PCDHGB2: variants seen among roughly 807,000 people sequenced by gnomAD.
PCDHGB2 encodes protocadherin gamma subfamily B, 2.
PCDHGB2 carries 55 observed loss-of-function variants against 59.3 expected under a neutral mutation model. That is an observed-to-expected ratio of 0.93 (90% CI 0.75 to 1.16). The LOEUF is 1.16. Ranked by LOEUF, PCDHGB2 falls within the 50% of genes most tolerant of loss-of-function variation. PCDHGB2 has a pLI of 0.00. For synonymous variants in PCDHGB2, 516 were observed against 512.0 expected, an observed-to-expected ratio of 1.01 and a Z score of -0.11; for missense variants, 1,228 against 1,198.5, an observed-to-expected ratio of 1.02 and a Z score of -0.36.
At chr5:141,375,010 T>G in intron 1 of PCDHGB2, 2 of 1,614,050 alleles carry the variant, frequency 1.2e-6, no homozygotes, top group Non-Finnish European at 1.7e-6. Flanking sequence ...ATCTAGACTA[T>G]GAGGACTCGA....
chr5:141,438,513 A>G (rs2097964808), intron 1 of PCDHGB2, among the ~76,000 whole-genome samples: 1 of 148,768 alleles, frequency 6.7e-6, no homozygotes, highest in Non-Finnish European at 1.5e-5. Context: ...TGCAAAACCA[A>G]TTATTTTACA....
At chr5:141,381,445 G>C (rs1777202904) in intron 1 of PCDHGB2, among the ~76,000 whole-genome samples, 1 of 152,248 alleles carries the variant, frequency 6.6e-6, no homozygotes. Context: ...TGTCAGGACA[G>C]TCCTGCATTT....
intron 1 of PCDHGB2, chr5:141,388,866 C>A (rs2091521937): frequency 2.5e-6 from 4 of 1,613,832 alleles, no homozygotes; most frequent in Non-Finnish European, 3.4e-6. Flanking sequence ...AATGATTGCG[C>A]AATGCACAGT....
chr5:141,430,720 T>G, intron 1 of PCDHGB2: 1 of 1,486,390 alleles, frequency 6.7e-7, no homozygotes, highest in East Asian at 2.4e-5. Flanking sequence ...ACTTCAGTGG[T>G]TAAGGGCAGA....
At chr5:141,392,956 T>G in intron 1 of PCDHGB2, 1 of 1,613,820 alleles carries the variant, frequency 6.2e-7, no homozygotes, top group South Asian at 1.1e-5. Context: ...GTGGGTAATA[T>G]CTCCAAGGAC....
rs748951693 is a variant in PCDHGB2, at chr5:141,365,805, C to T, written c.2421+3249C>T. The T allele has an allele frequency of 3.1e-6, 5 of 1,613,942 alleles. No homozygotes were observed. The South Asian group carries it at 5.5e-5, about 18-fold the overall frequency. On this transcript the variant is annotated intron_variant, in intron 1 of 3. Coordinates refer to ENST00000522605, the MANE Select transcript of PCDHGB2 (RefSeq NM_018923.3). ...AACGCTCGAGTCACCTACTCCCTGG[C>T]TGAAGACACATTTCAGGGGGCGCCC...
In PCDHGB2 at chr5:141,490,296, G is replaced by T; in HGVS notation, c.2422-4511G>T. The stretch of plus-strand genomic sequence containing the variant: ...ATGACAATGCCCCAGAGGTGCTATT[G>T]GCCTCTTTGGCCAACCCTGTCCTAG... On this transcript the variant is annotated intron_variant, in intron 1 of 3. Coordinates refer to ENST00000522605, the MANE Select transcript of PCDHGB2 (RefSeq NM_018923.3). This position sits in a 1 kb window ranked among gnomAD's most constrained non-coding sequence, Gnocchi z 5.4. 6.2e-7 allele frequency: 1 copy of T among 1,614,184 alleles called. No homozygotes were observed. Among genetic ancestry groups the T allele is most frequent in the South Asian group, 1.1e-5 (1 of 91,084 alleles).
At position 141,399,943 on chromosome 5, in the gene PCDHGB2, C is replaced by A. The variant is rs1334013330; in HGVS notation, c.2421+37387C>A. On this transcript the variant is annotated intron_variant, in intron 1 of 3. Coordinates refer to ENST00000522605, the MANE Select transcript of PCDHGB2 (RefSeq NM_018923.3). Reference sequence around the variant, plus strand: ...CGCCTGGCTGTCCTACCACGTGCTGCAGGCTAGCGAGCCCGGGCTCTTCAG... The same window carrying A: ...CGCCTGGCTGTCCTACCACGTGCTGAAGGCTAGCGAGCCCGGGCTCTTCAG... The A allele has an allele frequency of 3.7e-6, 6 of 1,612,294 alleles. 1 individual carries two copies. The Admixed American group carries it at 1.0e-4, about 27-fold the overall frequency.
At chr5:141,381,271 T>G (rs1366742753) in intron 1 of PCDHGB2, among the ~76,000 whole-genome samples, 1 of 152,252 alleles carries the variant, frequency 6.6e-6, no homozygotes, top group Non-Finnish European at 1.5e-5. Context: ...CCAAGACTGT[T>G]TCTTGCCAGG....
At position 141,490,176 on chromosome 5, in the gene PCDHGB2, G is replaced by T. The variant is rs758876319; in HGVS notation, c.2422-4631G>T. On this transcript the variant is annotated intron_variant, in intron 1 of 3. Transcript: ENST00000522605. This position sits in a 1 kb window ranked among gnomAD's most constrained non-coding sequence, Gnocchi z 5.4. ...TGTTGGGTCCCATAGACTTTGAGGAGTCACGTTTCTATGAAATTCATGCAA... is the reference window on the plus strand; with the variant it reads ...TGTTGGGTCCCATAGACTTTGAGGATTCACGTTTCTATGAAATTCATGCAA... 12 of 1,614,100 alleles carry T rather than the reference G, an allele frequency of 7.4e-6. No homozygotes were observed. Among genetic ancestry groups the T allele is most frequent in the Non-Finnish European group, 1.0e-5 (12 of 1,180,046 alleles).
intron 1 of PCDHGB2, chr5:141,423,829 A>G: frequency 7.9e-7 from 1 of 1,268,964 alleles, no homozygotes; most frequent in Non-Finnish European, 9.9e-7. Flanking sequence ...GCCTTTCATG[A>G]GATTACGATA....
chr5:141,419,769 C>G (rs773303779), intron 1 of PCDHGB2: 3 of 1,613,888 alleles, frequency 1.9e-6, no homozygotes, highest in Non-Finnish European at 2.5e-6. Context: ...GACAAGGACT[C>G]GGTCCGCCAG....
At chr5:141,392,160 T>C (rs1426961496) in intron 1 of PCDHGB2, 1 of 152,220 alleles carries the variant, frequency 6.6e-6, no homozygotes, top group Non-Finnish European at 1.5e-5. Context: ...TAAAACAATT[T>C]CTGAGTCAGT....
rs535070372 is a variant in PCDHGB2 at position 141,361,135 on chromosome 5, C to G, written c.1000C>G (p.Gln334Glu). 6.2e-7 allele frequency: 1 copy of G among 1,613,506 alleles called. No individual in the cohort carries two copies. The highest frequency in any genetic ancestry group is 1.1e-5 in the South Asian group (1 of 91,072). Reference sequence around the variant, plus strand: ...AGATCTAGCAGCCCACTGCAGTATCCAAGTTGAAATTCTTGATGACAACGA... The same window carrying G: ...AGATCTAGCAGCCCACTGCAGTATCGAAGTTGAAATTCTTGATGACAACGA... ...PGDLAAHCSI[Q>E]VEILDDNDCA... is the part of the protein sequence containing the mutation. Residue 334 changes from glutamine to glutamate, a missense_variant, in exon 1 of 4, where the codon CAA becomes GAA. Coordinates refer to ENST00000522605, the MANE Select transcript of PCDHGB2 (RefSeq NM_018923.3).
At position 141,486,882 on chromosome 5, in the gene PCDHGB2, C is replaced by T; in HGVS notation, c.2422-7925C>T. The T allele has an allele frequency of 6.2e-7, 1 of 1,614,244 alleles. No individual in the cohort carries two copies. The highest frequency in any genetic ancestry group is 1.1e-5 in the South Asian group (1 of 91,086). On this transcript the variant is annotated intron_variant, in intron 1 of 3. Transcript: ENST00000522605. This position sits in a 1 kb window ranked among gnomAD's most constrained non-coding sequence, Gnocchi z 5.0. ...GCTCCAGCTGTGCTCCGTCCTCGGG[C>T]CCGGCCTGGTTCCTTATGTCCCCAA...
At chr5:141,392,864 C>T (rs1328545217) in intron 1 of PCDHGB2, 2 of 1,612,536 alleles carry the variant, frequency 1.2e-6, no homozygotes, top group Non-Finnish European at 1.7e-6. Context: ...TCCTGCTGTG[C>T]GCGCTGCTGG....
Position 141,394,739 on chromosome 5 carries a change from C to A in PCDHGB2, c.2421+32183C>A, listed in dbSNP as rs377359689. 7.4e-6 allele frequency: 12 copies of A among 1,613,272 alleles called. No individual in the cohort carries two copies. In the African/African-American group the frequency reaches 1.2e-4, roughly 16 times the overall value. ...ACAGAGATGCGCTCAAGCAGAGCCT[C>A]GTGGTGGCCGTCCAGGACCATGGCC... On this transcript the variant is annotated intron_variant, in intron 1 of 3. Coordinates refer to ENST00000522605, the MANE Select transcript of PCDHGB2 (RefSeq NM_018923.3).
intron 3 of PCDHGB2, among the ~76,000 whole-genome samples, chr5:141,509,320 C>A (rs1261653347): frequency 6.6e-6 from 1 of 152,194 alleles, no homozygotes; most frequent in Non-Finnish European, 1.5e-5. Flanking sequence ...GGGAGAGAAG[C>A]TCTACTGCCA....
At position 141,361,234 on chromosome 5, in the gene PCDHGB2, G is replaced by A. The variant is rs575415323; in HGVS notation, c.1099G>A (p.Ala367Thr). The A allele has an allele frequency of 1.2e-6, 2 of 1,613,954 alleles. No homozygotes were observed. The highest frequency in any genetic ancestry group is 2.2e-5 in the South Asian group (2 of 91,080). Residue 367 changes from alanine to threonine, a missense_variant, in exon 1 of 4, where the codon GCC (alanine) becomes ACC (threonine). This residue lies in a region of PCDHGB2 where 781 missense variants were observed against 721.6 expected (regional missense o/e 1.08). Transcript: ENST00000522605. ...GGATTCGCCACCAGGAACAGTGATCGCCTTGATAAAAACGAGAGACAGAGA... is the reference window on the plus strand; with the variant it reads ...GGATTCGCCACCAGGAACAGTGATCACCTTGATAAAAACGAGAGACAGAGA... ...PEDSPPGTVI[A>T]LIKTRDRDSG... is the part of the protein sequence containing the mutation.
Sources: allele counts gnomAD v4.1 joint callset (sites outside exome capture counted in the v4.1 genomes callset), GRCh38; gene constraint gnomAD v4.1.1; regional missense constraint gnomAD v4.1.1; non-coding constraint Gnocchi (gnomAD v3.1); transcripts MANE v1.5; gene names NCBI Gene and HGNC (gene_info 2026-07-23, HGNC 2026-07-21).